SETD1A: variants seen among roughly 807,000 people sequenced by gnomAD.
The protein encoded by SETD1A is SET domain containing 1A, histone lysine methyltransferase.
In SETD1A, 29 loss-of-function variants were observed where a neutral mutation model predicts 149.9. The observed-to-expected ratio is 0.19, with a 90% CI of 0.14 to 0.26. SETD1A has a LOEUF of 0.26. Among genes scored for constraint, SETD1A ranks in the 10% least tolerant of loss-of-function variants. The pLI, the probability that SETD1A is intolerant of heterozygous loss-of-function variation, is 1.00. For missense variants in SETD1A, 2,109 were observed against 2,353.1 expected (o/e 0.90, Z 2.15); for synonymous variants, 1,141 against 968.5 (o/e 1.18, Z -3.31).
Position 30,980,358 on chromosome 16 carries a change from C to A in SETD1A, c.4409-127C>A. ...CCTTCCAAAGCATTTCTGGCAGGAA[C>A]GATGGGGCTGGGGCTTCCTCCCCTG... On this transcript the variant is annotated intron_variant, in intron 14 of 18. Coordinates refer to ENST00000262519, the MANE Select transcript of SETD1A (RefSeq NM_014712.3). This position sits in a 1 kb window ranked among gnomAD's most constrained non-coding sequence, Gnocchi z 7.7. 1 of 1,448,392 alleles carries A rather than the reference C, an allele frequency of 6.9e-7. No individual in the cohort carries two copies. The highest frequency in any genetic ancestry group is 9.3e-7 in the Non-Finnish European group (1 of 1,074,836). 89.7% of individuals were successfully genotyped at this position (1,448,392 alleles called of 1,614,324 possible).
chr16:30,983,345 TG>T lies in SETD1A; in HGVS notation c.4813-289del, dbSNP rs2056406478. Among the ~76,000 whole-genome samples the T allele has an allele frequency of 6.6e-6, 1 of 152,190 alleles. No homozygotes were observed. Among genetic ancestry groups the T allele is most frequent in the Non-Finnish European group, 1.5e-5 (1 of 68,026 alleles). On this transcript the variant is annotated intron_variant, in intron 17 of 18. Coordinates refer to ENST00000262519, the MANE Select transcript of SETD1A (RefSeq NM_014712.3). The surrounding 1 kb of genome is among the most constrained non-coding windows in gnomAD (Gnocchi z 6.8). ...TTGCCCCAGCAGTCCGGGACCCCAC[TG>T]TGACCAGGCAGATGCTCGAAGGAGT...
rs1467954725 is a variant in SETD1A, at chr16:30,965,125, C to T, written c.1383C>T (p.Arg461=). The T allele has an allele frequency of 1.2e-6, 2 of 1,612,312 alleles. No homozygotes were observed. Among genetic ancestry groups the T allele is most frequent in the Admixed American group, 3.3e-5 (2 of 60,012 alleles). ...PEREEVRTSP[R]PASPARSGSP... ...GAGAAGAAGTTCGGACTTCCCCCCG[C>T]CCAGCCTCCCCTGCCCGCTCTGGCT... Residue 461 remains arginine (R), a synonymous_variant, in exon 7 of 19, where the codon CGC becomes CGT. Coordinates refer to ENST00000262519, the MANE Select transcript of SETD1A (RefSeq NM_014712.3).
chr16:30,977,774 C>T (rs1008857395), intron 13 of SETD1A, among the ~76,000 whole-genome samples: 3 of 152,294 alleles, frequency 2.0e-5, no homozygotes, highest in South Asian at 2.1e-4. Context: ...GTTGGGAGTG[C>T]GGTGGACTCA....
Position 30,971,493 on chromosome 16 carries a change from C to CTCCTCCTCCTCGTCCTCA in SETD1A, c.3141_3158dup (p.Ser1053_Ser1058dup), listed in dbSNP as rs762363001. 1.9e-6 allele frequency: 3 copies of CTCCTCCTCCTCGTCCTCA among 1,613,826 alleles called. No individual in the cohort carries two copies. The highest frequency in any genetic ancestry group is 2.5e-6 in the Non-Finnish European group (3 of 1,179,800). On this transcript the variant is annotated inframe_insertion, in exon 13 of 19. Transcript: ENST00000262519. ...GCAGCTCTTCCAGCTCCTCATCCTC[C>CTCCTCCTCCTCGTCCTCA]TCCTCCTCCTCGTCCTCATCCTCCT...
At chr16:30,973,184 A>C (rs2056245865) in intron 13 of SETD1A, among the ~76,000 whole-genome samples, 1 of 152,156 alleles carries the variant, frequency 6.6e-6, no homozygotes, top group South Asian at 2.1e-4. Context: ...CCATGTCAGG[A>C]ATTTGGCCTT....
At chr16:30,973,179 T>G (rs2056245771) in intron 13 of SETD1A, among the ~76,000 whole-genome samples, 1 of 152,094 alleles carries the variant, frequency 6.6e-6, no homozygotes, top group Non-Finnish European at 1.5e-5. Flanking sequence ...GCCAGCCATG[T>G]CAGGAATTTG....
At chr16:30,973,875 C>A (rs1454586709) in intron 13 of SETD1A, among the ~76,000 whole-genome samples, 2 of 152,246 alleles carry the variant, frequency 1.3e-5, no homozygotes, top group Non-Finnish European at 1.5e-5. Context: ...GCAGAAGGGC[C>A]TGTGGGGTCA....
intron 3 of SETD1A, among the ~76,000 whole-genome samples, chr16:30,960,937 T>G (rs1318308922): frequency 6.6e-6 from 1 of 151,756 alleles, no homozygotes; most frequent in East Asian, 1.9e-4. Flanking sequence ...GAGACAGGGT[T>G]TTATCATGTT....
chr16:30,962,774 C>G (rs755284548), intron 4 of SETD1A, among the ~76,000 whole-genome samples: 3 of 152,186 alleles, frequency 2.0e-5, no homozygotes, highest in Admixed American at 6.5e-5. Flanking sequence ...TGGTGAAACC[C>G]CATTTCTATT....
chr16:30,983,344 C>G lies in SETD1A; in HGVS notation c.4813-291C>G, dbSNP rs543628881. Among the ~76,000 whole-genome samples, 1 of 152,340 alleles carries G rather than the reference C, an allele frequency of 6.6e-6. No homozygotes were observed. The highest frequency in any genetic ancestry group is 2.4e-5 in the African/African-American group (1 of 41,576). On this transcript the variant is annotated intron_variant, in intron 17 of 18. Transcript: ENST00000262519. This position sits in a 1 kb window ranked among gnomAD's most constrained non-coding sequence, Gnocchi z 6.8. Reference sequence around the variant, plus strand: ...CTTGCCCCAGCAGTCCGGGACCCCACTGTGACCAGGCAGATGCTCGAAGGA... The same window carrying G: ...CTTGCCCCAGCAGTCCGGGACCCCAGTGTGACCAGGCAGATGCTCGAAGGA...
In SETD1A at chr16:30,978,272, CA is replaced by C. The variant is rs72209091; in HGVS notation, c.3359-854del. ...CTGGCGACAGGGCGAGACCCCATCT[CA>C]AAAAAAAAAAAAAAAAAAGATAGGA... On this transcript the variant is annotated intron_variant, in intron 13 of 18. Coordinates refer to ENST00000262519, the MANE Select transcript of SETD1A (RefSeq NM_014712.3). Among the ~76,000 whole-genome samples the C allele has an allele frequency of 3.6e-3, 344 of 96,628 alleles. 1 individual carries two copies. In the East Asian group the frequency reaches 0.05, roughly 14 times the overall value. 63.4% of individuals were successfully genotyped at this position (96,628 alleles called of 152,430 possible). A position where few individuals can be genotyped will look rare whatever the true frequency, so the allele number is the denominator to read the frequency against.
At chr16:30,977,483 C>T (rs2056298287) in intron 13 of SETD1A, among the ~76,000 whole-genome samples, 1 of 152,214 alleles carries the variant, frequency 6.6e-6, no homozygotes, top group Non-Finnish European at 1.5e-5. Flanking sequence ...GAGGGATGGG[C>T]AGGTTCCCTT....
rs1475758696 is a variant in SETD1A, at chr16:30,957,832, C to G, written c.-148C>G. The G allele has an allele frequency of 6.6e-6, 1 of 152,262 alleles. No homozygotes were observed. The highest frequency in any genetic ancestry group is 1.5e-5 in the Non-Finnish European group (1 of 68,044). The allele number at this position is 152,262 out of a possible 1,614,324, so 9.4% of individuals were successfully genotyped here. A position where few individuals can be genotyped will look rare whatever the true frequency, so the allele number is the denominator to read the frequency against. The stretch of plus-strand genomic sequence containing the variant: ...GGGGATGCGGCCAATCTCCAAGCTC[C>G]CTGGGCCGCAACTTCCGAGCCTCCC... On this transcript the variant is annotated 5_prime_UTR_variant, in exon 1 of 19. Transcript: ENST00000262519.
chr16:30,967,102 G>C, intron 9 of SETD1A, 42 bp downstream of exon 9: 1 of 1,447,784 alleles, frequency 6.9e-7, no homozygotes, highest in Non-Finnish European at 9.3e-7. Flanking sequence ...TGGGGAGAGG[G>C]AGAGGGGGCC....
intron 9 of SETD1A, 120 bp downstream of exon 9, chr16:30,967,180 G>A (rs779638227): frequency 4.0e-5 from 30 of 745,962 alleles, no homozygotes; most frequent in Admixed American, 1.5e-4. Context: ...TTGAGATGGA[G>A]TCTTACTCTG....
rs1028494133 is a variant in SETD1A, at chr16:30,964,634, C to T, written c.892C>T (p.Pro298Ser). The change falls in exon 7 of 19, where the codon CCC (proline) becomes TCC (serine). Residue 298 changes from proline (P) to serine (S), a missense_variant. By Grantham distance (74) the Pro-to-Ser change is moderately conservative. This residue lies in a region of SETD1A where 410 missense variants were observed against 394.8 expected (regional missense o/e 1.04). Coordinates refer to ENST00000262519, the MANE Select transcript of SETD1A (RefSeq NM_014712.3). ...SSSTTSTSFK[P>S]RRSENSYQDA... ...CAGCACCACTTCAACCTCCTTCAAG[C>T]CCCGGCGGTCAGAGAACAGCTACCA... The T allele has an allele frequency of 1.2e-6, 2 of 1,613,482 alleles. No homozygotes were observed. Among genetic ancestry groups the T allele is most frequent in the African/African-American group, 2.7e-5 (2 of 75,044 alleles).
rs759060692 is a variant in SETD1A, at chr16:30,980,094, C to T, written c.4308C>T (p.Asp1436=). The change falls in exon 14 of 19, where the codon GAC becomes GAT. Residue 1436 remains aspartate, a synonymous_variant. Transcript: ENST00000262519. This position sits in a 1 kb window ranked among gnomAD's most constrained non-coding sequence, Gnocchi z 7.7. ...ILYDIWNSGL[D]SEDMSYLRLT... ...ATGACATTTGGAACTCGGGCCTGGACTCAGAGGACATGAGTTACCTGCGGC... is the reference window on the plus strand; with the variant it reads ...ATGACATTTGGAACTCGGGCCTGGATTCAGAGGACATGAGTTACCTGCGGC... 4 of 1,612,948 alleles carry T rather than the reference C, an allele frequency of 2.5e-6. No individual in the cohort carries two copies. Among genetic ancestry groups the T allele is most frequent in the East Asian group, 2.2e-5 (1 of 44,790 alleles).
rs775419625 is a variant in SETD1A, at chr16:30,983,879, C to T, written c.4980C>T (p.Ile1660=). The change falls in exon 19 of 19, where the codon ATC becomes ATT. Residue 1660 remains isoleucine, a synonymous_variant. Transcript: ENST00000262519. This position sits in a 1 kb window ranked among gnomAD's most constrained non-coding sequence, Gnocchi z 6.8. ...ACTGCTACGCCAAGGTCATCACCAT[C>T]GAGTCCCAGAAGAAGATCGTGATCT... The part of the protein sequence containing the change: ...TPNCYAKVIT[I]ESQKKIVIYS... 21 of 1,610,810 alleles carry T rather than the reference C, an allele frequency of 1.3e-5. No homozygotes were observed. Among genetic ancestry groups the T allele is most frequent in the South Asian group, 8.8e-5 (8 of 90,652 alleles).
At chr16:30,978,770 G>C (rs1416144580) in intron 13 of SETD1A, among the ~76,000 whole-genome samples, 1 of 152,240 alleles carries the variant, frequency 6.6e-6, no homozygotes, top group African/African-American at 2.4e-5. Flanking sequence ...TGGGGCCTGG[G>C]CACAGGGCTG....
Sources: gnomAD v4.1 joint callset for allele counts (sites outside exome capture counted in the v4.1 genomes callset) on GRCh38, gnomAD v4.1.1 for gene constraint, gnomAD v4.1.1 regional missense constraint, Gnocchi (gnomAD v3.1) non-coding constraint, MANE v1.5 for transcripts, NCBI Gene and HGNC (gene_info 2026-07-23, HGNC 2026-07-21) for gene names.